Variants in CDKAL1 observed in about 807,000 individuals in gnomAD.
CDKAL1 encodes CDKAL1 threonylcarbamoyladenosine tRNA methylthiotransferase, also known as threonylcarbamoyladenosine tRNA methylthiotransferase.
In CDKAL1, 32 loss-of-function variants were observed where a neutral mutation model predicts 68.2. That is an observed-to-expected ratio of 0.47 (90% CI 0.35 to 0.63). CDKAL1 has a LOEUF of 0.63. CDKAL1 is among the 30% of genes least tolerant of loss of function. CDKAL1 has a pLI of 0.00. For missense variants in CDKAL1, 606 were observed against 696.7 expected (o/e 0.87, Z 1.47); for synonymous variants, 234 against 244.3 (o/e 0.96, Z 0.39).
chr6:21,186,309 A>G (rs573741383), intron 13 of CDKAL1, among the ~76,000 whole-genome samples: 1 of 152,168 alleles, frequency 6.6e-6, no homozygotes, highest in South Asian at 2.1e-4. Context: ...GCTCACATCT[A>G]TGCTGAGTTC....
intron 11 of CDKAL1, among the ~76,000 whole-genome samples, chr6:21,020,120 A>C (rs974015904): frequency 5.3e-5 from 8 of 152,218 alleles, no homozygotes; most frequent in Non-Finnish European, 8.8e-5. Flanking sequence ...ATTAAGGGAT[A>C]AGATAGTTTT....
At chr6:20,814,309 G>T (rs1390667242) in intron 8 of CDKAL1, among the ~76,000 whole-genome samples, 1 of 152,076 alleles carries the variant, frequency 6.6e-6, no homozygotes, top group Non-Finnish European at 1.5e-5. Context: ...ATGTGCAGTT[G>T]TTTAATAGAT....
At chr6:21,156,981 A>T (rs1445435106) in intron 13 of CDKAL1, among the ~76,000 whole-genome samples, 1 of 151,778 alleles carries the variant, frequency 6.6e-6, no homozygotes, top group Non-Finnish European at 1.5e-5. Flanking sequence ...TTTTCCTTTG[A>T]CTCTTCATAT....
chr6:20,848,905 G>T (rs1758847116), intron 9 of CDKAL1, among the ~76,000 whole-genome samples: 1 of 151,524 alleles, frequency 6.6e-6, no homozygotes, highest in Non-Finnish European at 1.5e-5. Flanking sequence ...CGATCCTCCT[G>T]CCTCAGCCTC....
chr6:20,789,983 A>G (rs1775829373), intron 8 of CDKAL1, among the ~76,000 whole-genome samples: 2 of 152,150 alleles, frequency 1.3e-5, no homozygotes, highest in South Asian at 4.1e-4. Flanking sequence ...TAGAGATAAG[A>G]TCTCACTTTG....
intron 10 of CDKAL1, among the ~76,000 whole-genome samples, chr6:20,974,153 G>A (rs13210151): frequency 6.6e-6 from 1 of 152,150 alleles, no homozygotes; most frequent in Non-Finnish European, 1.5e-5. Flanking sequence ...TCCCTCTCTA[G>A]GTCTAAGATG....
chr6:20,558,497 T>C (rs1055400361), intron 4 of CDKAL1: 2 of 456,488 alleles, frequency 4.4e-6, no homozygotes, highest in African/African-American at 4.0e-5. Context: ...AAACAGTAAG[T>C]GCATGAACTA....
rs1473220479 is a variant in CDKAL1 at position 20,807,633 on chromosome 6, TCC to T, written c.638+26369_638+26370del. Among the ~76,000 whole-genome samples, 4 of 5,860 alleles carry T rather than the reference TCC, an allele frequency of 6.8e-4. No individual in the cohort carries two copies. The East Asian group carries it at 0.065, about 95-fold the overall frequency. The allele number at this position is 5,860 out of a possible 152,430, so 3.8% of individuals were successfully genotyped here. On this transcript the variant is annotated intron_variant, in intron 8 of 15. Transcript: ENST00000274695. The stretch of plus-strand genomic sequence containing the variant: ...TGATAATATTTCCTAATAAAATTAA[TCC>T]AAAATTAATCCAAAATTAAAAGCAA...
In CDKAL1 at chr6:20,790,354, G is replaced by C. The variant is rs182982121; in HGVS notation, c.638+9089G>C. Among the ~76,000 whole-genome samples, 352 of 152,182 alleles carry C rather than the reference G, an allele frequency of 2.3e-3. 2 individuals are homozygous for C. Among genetic ancestry groups the C allele is most frequent in the Admixed American group, 6.0e-3 (92 of 15,288 alleles). On this transcript the variant is annotated intron_variant, in intron 8 of 15. Coordinates refer to ENST00000274695, the MANE Select transcript of CDKAL1 (RefSeq NM_017774.3). ...AAGGCAATTTAAGCACTGGTGGGGT[G>C]GGGGGAACCAAAACAAAACCCATAA...
chr6:20,564,653 G>C (rs750669892), intron 4 of CDKAL1, among the ~76,000 whole-genome samples: 32 of 152,142 alleles, frequency 2.1e-4, no homozygotes, highest in Non-Finnish European at 3.5e-4. Context: ...TTGTATTAAT[G>C]TGACAGCTAA....
intron 13 of CDKAL1, among the ~76,000 whole-genome samples, chr6:21,181,513 C>T (rs1777788830): frequency 6.6e-6 from 1 of 152,156 alleles, no homozygotes; most frequent in East Asian, 1.9e-4. Context: ...GCAAGAAGGC[C>T]CTCACGAGGC....
At chr6:20,535,896 A>T (rs753021153) in intron 2 of CDKAL1, among the ~76,000 whole-genome samples, 2 of 152,136 alleles carry the variant, frequency 1.3e-5, no homozygotes, top group African/African-American at 4.8e-5. Flanking sequence ...CTGATGGCTC[A>T]TGATGTTGAC....
intron 11 of CDKAL1, among the ~76,000 whole-genome samples, chr6:21,019,095 C>A (rs1025936900): frequency 6.6e-6 from 1 of 152,108 alleles, no homozygotes; most frequent in South Asian, 2.1e-4. Context: ...ATTATAGGCA[C>A]CCGCCACCAT....
intron 15 of CDKAL1, among the ~76,000 whole-genome samples, chr6:21,221,804 CATTAAAG>C (rs1779548355): frequency 6.6e-6 from 1 of 152,166 alleles, no homozygotes. Flanking sequence ...GTTTTGAAGC[CATTAAAG>C]TAAGTTCAGA....
intron 8 of CDKAL1, among the ~76,000 whole-genome samples, chr6:20,814,247 T>A (rs185531554): frequency 4.8e-4 from 71 of 148,220 alleles, no homozygotes; most frequent in African/African-American, 1.7e-3. Context: ...AAAAATAAAA[T>A]TTTTTTTTAA....
chr6:20,926,629 G>A (rs1410371624), intron 9 of CDKAL1, among the ~76,000 whole-genome samples: 1 of 152,024 alleles, frequency 6.6e-6, no homozygotes, highest in East Asian at 1.9e-4. Context: ...AATTTTGAAT[G>A]CAATATATAA....
intron 8 of CDKAL1, among the ~76,000 whole-genome samples, chr6:20,794,895 G>C (rs768181925): frequency 3.0e-4 from 45 of 152,118 alleles, no homozygotes; most frequent in Non-Finnish European, 4.4e-4. Flanking sequence ...TTTGATGTTA[G>C]TTTGTATTGA....
intron 13 of CDKAL1, among the ~76,000 whole-genome samples, chr6:21,163,584 C>T (rs983875705): frequency 1.3e-5 from 2 of 152,142 alleles, no homozygotes; most frequent in Non-Finnish European, 2.9e-5. Context: ...AAACCACAGG[C>T]GTTTGTCAGA....
chr6:21,193,642 A>G (rs1778348310), intron 13 of CDKAL1, among the ~76,000 whole-genome samples: 1 of 152,132 alleles, frequency 6.6e-6, no homozygotes, highest in Non-Finnish European at 1.5e-5. Flanking sequence ...CAATCCATAT[A>G]TGTGGCATCT....
Sources: allele counts gnomAD v4.1 joint callset (sites outside exome capture counted in the v4.1 genomes callset), GRCh38; gene constraint gnomAD v4.1.1; transcripts MANE v1.5; gene names NCBI Gene and HGNC (gene_info 2026-07-23, HGNC 2026-07-21).